The following BIVM variants were observed in gnomAD, a reference collection of about 807,000 sequenced individuals.
BIVM encodes basic immunoglobulin-like variable motif-containing protein.
Under a neutral mutation model 61.4 loss-of-function variants are expected in BIVM, and 31 were observed. The observed-to-expected ratio is 0.51, with a 90% CI of 0.38 to 0.68. The LOEUF (loss-of-function observed/expected upper bound fraction) is 0.68, where lower values mean the gene tolerates loss of function less well. Ranked by LOEUF, BIVM falls within the 30% of genes least tolerant of loss-of-function variation. The pLI, the probability that BIVM is intolerant of heterozygous loss-of-function variation, is 0.00. For synonymous variants in BIVM, 189 were observed against 210.7 expected, an observed-to-expected ratio of 0.90 and a Z score of 0.89; for missense variants, 526 against 596.0, an observed-to-expected ratio of 0.88 and a Z score of 1.22.
Position 102,807,491 on chromosome 13 carries a change from T to C in BIVM, c.224T>C (p.Phe75Ser). 6.2e-7 allele frequency: 1 copy of C among 1,614,222 alleles called. No individual in the cohort carries two copies. The highest frequency in any genetic ancestry group is 8.5e-7 in the Non-Finnish European group (1 of 1,180,044). The change falls in exon 3 of 11, where the codon TTT becomes TCT. Residue 75 changes from phenylalanine (F) to serine (S), a missense_variant. By Grantham distance (155) the Phe-to-Ser change is radical. This residue lies in a region of BIVM where 312 missense variants were observed against 343.8 expected (regional missense o/e 0.91). Coordinates refer to ENST00000257336, the MANE Select transcript of BIVM (RefSeq NM_017693.4). This position sits in a 1 kb window ranked among gnomAD's most constrained non-coding sequence, Gnocchi z 4.0. ...KIYAICSDYA[F>S]LNQATSIYKT... ...TATGCCATCTGTTCGGACTATGCCT[T>C]TCTCAACCAGGCGACCTCAATCTAT...
At chr13:102,813,204 T>A (rs888230279) in intron 3 of BIVM, among the ~76,000 whole-genome samples, 1 of 152,208 alleles carries the variant, frequency 6.6e-6, no homozygotes, top group Non-Finnish European at 1.5e-5. Flanking sequence ...TTAATTTTTT[T>A]AAAAATGTAA....
At chr13:102,838,888 C>A (rs1481399777) in intron 10 of BIVM, 149 bp downstream of exon 10, 5 of 687,256 alleles carry the variant, frequency 7.3e-6, no homozygotes, top group Non-Finnish European at 1.1e-5. Context: ...GTCTTTAAAA[C>A]CCAAGGGCAA....
At chr13:102,817,483 A>G (rs1879942268) in intron 4 of BIVM, among the ~76,000 whole-genome samples, 1 of 152,172 alleles carries the variant, frequency 6.6e-6, no homozygotes, top group Non-Finnish European at 1.5e-5. Flanking sequence ...AGGTGGTGAC[A>G]GCTGTATTCT....
chr13:102,814,752 T>C (rs950905887), intron 3 of BIVM, among the ~76,000 whole-genome samples: 1 of 152,072 alleles, frequency 6.6e-6, no homozygotes, highest in Non-Finnish European at 1.5e-5. Flanking sequence ...TTAGAAAAAA[T>C]AATTAAAAGG....
chr13:102,806,893 A>G (rs1472463769), intron 2 of BIVM, among the ~76,000 whole-genome samples: 4 of 151,926 alleles, frequency 2.6e-5, no homozygotes, highest in Non-Finnish European at 5.9e-5. Flanking sequence ...CTGGGCAACA[A>G]GAGTGAAACT....
chr13:102,835,285 C>T (rs1881384043), intron 9 of BIVM, among the ~76,000 whole-genome samples: 3 of 151,940 alleles, frequency 2.0e-5, no homozygotes, highest in Non-Finnish European at 2.9e-5. Flanking sequence ...AAGCTGTGAT[C>T]GTATCGCTGC....
intron 4 of BIVM, among the ~76,000 whole-genome samples, chr13:102,818,323 A>G (rs1880014702): frequency 6.6e-6 from 1 of 152,194 alleles, no homozygotes; most frequent in Admixed American, 6.5e-5. Context: ...CGTATAATAC[A>G]TGTCATGATC....
intron 7 of BIVM, among the ~76,000 whole-genome samples, chr13:102,826,232 A>G (rs770215146): frequency 3.3e-5 from 5 of 152,004 alleles, no homozygotes; most frequent in Non-Finnish European, 5.9e-5. Context: ...TCTGGCTCCT[A>G]CCTGCTCTCC....
chr13:102,829,114 G>T (rs1880880423), intron 7 of BIVM, among the ~76,000 whole-genome samples: 1 of 151,514 alleles, frequency 6.6e-6, no homozygotes, highest in Non-Finnish European at 1.5e-5. Flanking sequence ...AGCTATTCTT[G>T]TCTTTGAAGG....
intron 7 of BIVM, among the ~76,000 whole-genome samples, chr13:102,823,534 A>G (rs551772185): frequency 3.9e-5 from 6 of 152,330 alleles, no homozygotes; most frequent in African/African-American, 1.2e-4. Flanking sequence ...ACTAAATTCT[A>G]TGCATTCACA....
At chr13:102,811,760 T>A in intron 3 of BIVM, among the ~76,000 whole-genome samples, 1 of 151,890 alleles carries the variant, frequency 6.6e-6, no homozygotes, top group Admixed American at 6.6e-5. Flanking sequence ...TGACCTCAGG[T>A]CATCCGCCTG....
At chr13:102,831,985 C>A (rs1321631399) in intron 8 of BIVM, among the ~76,000 whole-genome samples, 3 of 149,100 alleles carry the variant, frequency 2.0e-5, no homozygotes, top group South Asian at 2.1e-4. Context: ...GCAGAACTTG[C>A]AAAAAAAAAA....
rs1881688587 is a variant in BIVM, at chr13:102,839,375, C to T, written c.1219-197C>T. ...GCATGGGGAGGAAGGTGTTTTGGCT[C>T]CGGTGGGCATTGTTATATTTTGTAA... On this transcript the variant is annotated intron_variant, in intron 10 of 10. Coordinates refer to ENST00000257336, the MANE Select transcript of BIVM (RefSeq NM_017693.4). 2.0e-5 allele frequency among the ~76,000 whole-genome samples: 3 copies of T among 151,788 alleles called. No homozygotes were observed. The South Asian group carries it at 6.2e-4, about 32-fold the overall frequency.
intron 7 of BIVM, among the ~76,000 whole-genome samples, chr13:102,826,420 A>G (rs1029830945): frequency 6.6e-6 from 1 of 152,218 alleles, no homozygotes; most frequent in South Asian, 2.1e-4. Flanking sequence ...TTTCAACTTT[A>G]CATCTTAGCA....
In BIVM at chr13:102,807,218, G is replaced by C. The variant is rs199940335; in HGVS notation, c.-50G>C. ...TGTCAAAGTTGTTTATCAAGAAACA[G>C]ATAGAGTTGCAACTTGTTTCTAGTA... is the stretch of plus-strand genomic sequence containing the variant. On this transcript the variant is annotated 5_prime_UTR_variant, in exon 3 of 11. Transcript: ENST00000257336. This position sits in a 1 kb window ranked among gnomAD's most constrained non-coding sequence, Gnocchi z 4.0. The C allele has an allele frequency of 6.6e-7, 1 of 1,518,618 alleles. No homozygotes were observed. The highest frequency in any genetic ancestry group is 1.4e-5 in the African/African-American group (1 of 70,882). 94.1% of individuals were successfully genotyped at this position (1,518,618 alleles called of 1,614,324 possible).
chr13:102,802,768 CAG>C (rs1225654775), intron 1 of BIVM, among the ~76,000 whole-genome samples: 8 of 127,774 alleles, frequency 6.3e-5, no homozygotes, highest in African/African-American at 2.1e-4. Flanking sequence ...TTTTTTGAGA[CAG>C]AGTCTTGCTT....
At chr13:102,822,192 C>T (rs1880340136) in intron 7 of BIVM, 33 bp downstream of exon 7, 1 of 1,583,122 alleles carries the variant, frequency 6.3e-7, no homozygotes, top group East Asian at 2.2e-5. Context: ...TACATACACA[C>T]ATACACACAT....
At chr13:102,821,475 A>G (rs993925990) in intron 5 of BIVM, among the ~76,000 whole-genome samples, 2 of 152,248 alleles carry the variant, frequency 1.3e-5, no homozygotes, top group African/African-American at 2.4e-5. Flanking sequence ...AATGGCATGT[A>G]CTTGTATTTC....
Position 102,834,556 on chromosome 13 carries a change from T to C in BIVM, c.1121+4T>C. On this transcript the variant is annotated splice_donor_region_variant and intron_variant, in intron 9 of 10. Coordinates refer to ENST00000257336, the MANE Select transcript of BIVM (RefSeq NM_017693.4). ...ATCCTGCCATTCACTGTAAAAAGTA[T>C]GTTAACTTCCCTTTATTTTCTTTAA... 1.9e-6 allele frequency: 3 copies of C among 1,576,020 alleles called. No individual in the cohort carries two copies. The highest frequency in any genetic ancestry group is 2.6e-6 in the Non-Finnish European group (3 of 1,167,948).
Sources: gnomAD v4.1 joint callset for allele counts (sites outside exome capture counted in the v4.1 genomes callset) on GRCh38, gnomAD v4.1.1 for gene constraint, gnomAD v4.1.1 regional missense constraint, Gnocchi (gnomAD v3.1) non-coding constraint, MANE v1.5 for transcripts, NCBI Gene and HGNC (gene_info 2026-07-23, HGNC 2026-07-21) for gene names.